The following GNAL variants were observed in gnomAD, a reference collection of about 807,000 sequenced individuals.
GNAL encodes the protein G protein subunit alpha L.
Under a neutral mutation model 55.1 loss-of-function variants are expected in GNAL, and 18 were observed. That is an observed-to-expected ratio of 0.33 (90% CI 0.23 to 0.48). GNAL has a LOEUF of 0.48. Ranked by LOEUF, GNAL falls within the 20% of genes least tolerant of loss-of-function variation. The pLI, the probability that GNAL is intolerant of heterozygous loss-of-function variation, is 0.99. For synonymous variants in GNAL, 253 were observed against 237.0 expected, an observed-to-expected ratio of 1.07 and a Z score of -0.62; for missense variants, 412 against 614.1, an observed-to-expected ratio of 0.67 and a Z score of 3.48.
chr18:11,774,823 C>T (rs938995282), intron 4 of GNAL, among the ~76,000 whole-genome samples: 2 of 152,142 alleles, frequency 1.3e-5, no homozygotes, highest in African/African-American at 2.4e-5. Context: ...ACTTCACCAT[C>T]CCTCATTTTG....
At chr18:11,821,869 C>A (rs1244390509) in intron 4 of GNAL, among the ~76,000 whole-genome samples, 2 of 152,254 alleles carry the variant, frequency 1.3e-5, no homozygotes, top group Admixed American at 1.3e-4. Flanking sequence ...CAAGGGCCTC[C>A]CGCCTCCCTG....
chr18:11,876,795 TAC>T (rs1307815235), intron 11 of GNAL, 107 bp downstream of exon 11: 1 of 755,172 alleles, frequency 1.3e-6, no homozygotes, highest in East Asian at 2.5e-5. Context: ...TCCTTAACAT[TAC>T]GAGCGATGAC....
chr18:11,732,983 A>G (rs1248020017), intron 1 of GNAL, among the ~76,000 whole-genome samples: 2 of 152,248 alleles, frequency 1.3e-5, no homozygotes, highest in Non-Finnish European at 2.9e-5. Context: ...GCAGTGATTA[A>G]CTGATTTGTC....
intron 1 of GNAL, among the ~76,000 whole-genome samples, chr18:11,748,429 C>G (rs781626671): frequency 1.3e-5 from 2 of 152,182 alleles, no homozygotes; most frequent in African/African-American, 2.4e-5. Flanking sequence ...GGATTTAACC[C>G]AGTGCCAGCA....
At chr18:11,704,902 A>T (rs1027316753) in intron 1 of GNAL, among the ~76,000 whole-genome samples, 1 of 152,148 alleles carries the variant, frequency 6.6e-6, no homozygotes, top group Non-Finnish European at 1.5e-5. Context: ...GAGCATATCC[A>T]TCACCTCTGA....
chr18:11,751,629 C>G lies in GNAL; in HGVS notation c.377-1224C>G. The stretch of plus-strand genomic sequence containing the variant: ...GGGCGCGCGCCCAGACGCACTTTCC[C>G]GGCTCGGGGTGCAAGAGAGCCAGGC... On this transcript the variant is annotated intron_variant, in intron 1 of 11. Transcript: ENST00000334049. The surrounding 1 kb of genome is among the most constrained non-coding windows in gnomAD (Gnocchi z 4.5). 2 of 985,508 alleles carry G rather than the reference C, an allele frequency of 2.0e-6. No individual in the cohort carries two copies. Among genetic ancestry groups the G allele is most frequent in the African/African-American group, 1.7e-5 (1 of 57,366 alleles). The allele number at this position is 985,508 out of a possible 1,614,324, so 61.0% of individuals were successfully genotyped here.
At chr18:11,859,932 GA>G (rs201022030) in intron 5 of GNAL, among the ~76,000 whole-genome samples, 2,561 of 152,140 alleles carry the variant, frequency 0.017, 54 homozygotes, top group African/African-American at 0.048. Context: ...AGTTTTCGTA[GA>G]GACAGGGTTT....
intron 1 of GNAL, among the ~76,000 whole-genome samples, chr18:11,696,880 A>G (rs2031429324): frequency 6.6e-6 from 1 of 152,156 alleles, no homozygotes; most frequent in African/African-American, 2.4e-5. Flanking sequence ...CCTGTGACCC[A>G]CTAAAAGATG....
intron 1 of GNAL, chr18:11,745,979 A>C (rs778595532): frequency 3.7e-6 from 1 of 271,242 alleles, no homozygotes; most frequent in Non-Finnish European, 7.4e-6. Context: ...TACTGCCAAT[A>C]AGAAAGTGTT....
chr18:11,746,242 G>T, intron 1 of GNAL: 1 of 474,362 alleles, frequency 2.1e-6, no homozygotes, highest in Admixed American at 2.4e-5. Context: ...GTAACAATGT[G>T]GAGAAGCTCT....
intron 4 of GNAL, among the ~76,000 whole-genome samples, chr18:11,767,912 G>T (rs1416213599): frequency 2.7e-5 from 4 of 149,854 alleles, no homozygotes; most frequent in African/African-American, 9.9e-5. Flanking sequence ...ATATTGATTT[G>T]CCAAAGGTTA....
In GNAL at chr18:11,739,639, C is replaced by CT. The variant is rs879671877; in HGVS notation, c.377-13201dup. 6.4e-3 allele frequency among the ~76,000 whole-genome samples: 926 copies of CT among 144,602 alleles called. 7 individuals are homozygous for CT. The highest frequency in any genetic ancestry group is 7.3e-3 in the Middle Eastern group (2 of 274). The allele number at this position is 144,602 out of a possible 152,430, so 94.9% of individuals were successfully genotyped here. A position where few individuals can be genotyped will look rare whatever the true frequency, so the allele number is the denominator to read the frequency against. On this transcript the variant is annotated intron_variant, in intron 1 of 11. Coordinates refer to ENST00000334049, the MANE Select transcript of GNAL (RefSeq NM_182978.4). ...TTAGTGAAGAATACAGGTCCCTTTCCTTTTTTTTTTTTTAATTTTAGGTTT... is the reference window on the plus strand; with the variant it reads ...TTAGTGAAGAATACAGGTCCCTTTCCTTTTTTTTTTTTTTAATTTTAGGTTT...
chr18:11,765,223 C>G (rs1203591725), intron 4 of GNAL, among the ~76,000 whole-genome samples: 1 of 152,078 alleles, frequency 6.6e-6, no homozygotes, highest in African/African-American at 2.4e-5. Context: ...TTTTTTCTTA[C>G]AGAAAATGAA....
At chr18:11,696,650 C>G (rs911657636) in intron 1 of GNAL, among the ~76,000 whole-genome samples, 4 of 152,232 alleles carry the variant, frequency 2.6e-5, no homozygotes, top group African/African-American at 9.6e-5. Flanking sequence ...CTGGAAACTG[C>G]CGTTGTTTAC....
In GNAL at chr18:11,758,326, C is replaced by T. The variant is rs566358394; in HGVS notation, c.624+4381C>T. Among the ~76,000 whole-genome samples the T allele has an allele frequency of 5.9e-5, 9 of 152,198 alleles. No individual in the cohort carries two copies. In the East Asian group the frequency reaches 9.7e-4, roughly 16 times the overall value. On this transcript the variant is annotated intron_variant, in intron 4 of 11. Coordinates refer to ENST00000334049, the MANE Select transcript of GNAL (RefSeq NM_182978.4). Reference sequence around the variant, plus strand: ...AATTGGTAGCTTACATGGGGATGATCGTCTAGTTTTGCAATTATCCATAAA... The same window carrying T: ...AATTGGTAGCTTACATGGGGATGATTGTCTAGTTTTGCAATTATCCATAAA...
chr18:11,793,563 T>A lies in GNAL; in HGVS notation c.625-31355T>A, dbSNP rs115572908. Among the ~76,000 whole-genome samples, 758 of 148,976 alleles carry A rather than the reference T, an allele frequency of 5.1e-3. 5 individuals carry two copies. Among genetic ancestry groups the A allele is most frequent in the African/African-American group, 0.018 (709 of 39,630 alleles). ...TGCCACCACATTGCAGCCTGAACAATAGAGCAAGATCCTGTCTCTAAAAAA... is the reference window on the plus strand; with the variant it reads ...TGCCACCACATTGCAGCCTGAACAAAAGAGCAAGATCCTGTCTCTAAAAAA... On this transcript the variant is annotated intron_variant, in intron 4 of 11. Coordinates refer to ENST00000334049, the MANE Select transcript of GNAL (RefSeq NM_182978.4).
chr18:11,768,021 A>G (rs1003265982), intron 4 of GNAL, among the ~76,000 whole-genome samples: 10 of 152,214 alleles, frequency 6.6e-5, no homozygotes, highest in Non-Finnish European at 1.0e-4. Flanking sequence ...GGCTAGACTT[A>G]TTTAGAAAGC....
intron 4 of GNAL, among the ~76,000 whole-genome samples, chr18:11,817,933 C>T (rs546060875): frequency 6.6e-6 from 1 of 151,120 alleles, no homozygotes; most frequent in South Asian, 2.1e-4. Flanking sequence ...AACTGTTCCT[C>T]AATAGAATTT....
chr18:11,877,248 G>A lies in GNAL; in HGVS notation c.1230+560G>A, dbSNP rs548643147. On this transcript the variant is annotated intron_variant, in intron 11 of 11. Transcript: ENST00000334049. ...GCAGATGGATCACCTGAGGTCAGGA[G>A]TTCGAGACTAGCCTGGCCAACATGG... Among the ~76,000 whole-genome samples the A allele has an allele frequency of 4.6e-5, 7 of 152,338 alleles. No individual in the cohort carries two copies. The South Asian group carries it at 1.4e-3, about 32-fold the overall frequency.
Sources: allele counts gnomAD v4.1 joint callset (sites outside exome capture counted in the v4.1 genomes callset), GRCh38; gene constraint gnomAD v4.1.1; non-coding constraint Gnocchi (gnomAD v3.1); transcripts MANE v1.5; gene names NCBI Gene and HGNC (gene_info 2026-07-23, HGNC 2026-07-21).